The following PCMTD1 variants were observed in gnomAD, a reference collection of about 807,000 sequenced individuals.
PCMTD1 encodes the protein protein-L-isoaspartate (D-aspartate) O-methyltransferase domain containing 1.
Under a neutral mutation model 37.6 loss-of-function variants are expected in PCMTD1, and 12 were observed. The observed-to-expected ratio is 0.32, with a 90% CI of 0.20 to 0.52. The LOEUF is 0.52. PCMTD1 is among the 20% of genes least tolerant of loss of function. The probability of loss-of-function intolerance (pLI) is 0.97; values close to 1 mark genes in which losing one functional copy is unlikely to be tolerated. For missense variants in PCMTD1, 235 were observed against 421.3 expected (o/e 0.56, Z 3.87); for synonymous variants, 117 against 135.8 (o/e 0.86, Z 0.96).
At chr8:51,859,763 T>C (rs1393533489) in intron 2 of PCMTD1, among the ~76,000 whole-genome samples, 1 of 152,210 alleles carries the variant, frequency 6.6e-6, no homozygotes, top group Non-Finnish European at 1.5e-5. Flanking sequence ...GTCACCCTAC[T>C]AGAGGATATG....
intron 2 of PCMTD1, among the ~76,000 whole-genome samples, chr8:51,860,059 C>T (rs865990136): frequency 1.3e-5 from 2 of 152,306 alleles, no homozygotes; most frequent in Middle Eastern, 3.4e-3. Context: ...AGCAGATTTT[C>T]CTCCACCCAT....
intron 1 of PCMTD1, among the ~76,000 whole-genome samples, chr8:51,888,424 A>G (rs1009318192): frequency 1.3e-5 from 2 of 152,198 alleles, no homozygotes; most frequent in Non-Finnish European, 2.9e-5. Flanking sequence ...AGATAACAAA[A>G]TATTAAGACA....
Position 51,864,576 on chromosome 8 carries a change from G to A in PCMTD1, c.-95-3330C>T, listed in dbSNP as rs188408647. On this transcript the variant is annotated intron_variant, in intron 1 of 5. Transcript: ENST00000522514. ...CCAGTAACAGGAGGACTTTTGGGACGTTCACAAACACACAGAAATAAACAA... is the reference window on the plus strand; with the variant it reads ...CCAGTAACAGGAGGACTTTTGGGACATTCACAAACACACAGAAATAAACAA... Among the ~76,000 whole-genome samples, 57 of 152,196 alleles carry A rather than the reference G, an allele frequency of 3.7e-4. 1 individual carries two copies. Among genetic ancestry groups the A allele is most frequent in the South Asian group, 2.3e-3 (11 of 4,826 alleles).
chr8:51,879,271 T>C (rs2038758482), intron 1 of PCMTD1, among the ~76,000 whole-genome samples: 1 of 151,316 alleles, frequency 6.6e-6, no homozygotes, highest in Non-Finnish European at 1.5e-5. Context: ...GAATGTCATA[T>C]TGTTATTCTC....
rs2037778892 is a variant in PCMTD1, at chr8:51,817,709, CTA to C, written c.*2640_*2641del. 1 of 343,620 alleles carries C rather than the reference CTA, an allele frequency of 2.9e-6. No homozygotes were observed. The highest frequency in any genetic ancestry group is 2.4e-5 in the South Asian group (1 of 40,966). The allele number at this position is 343,620 out of a possible 1,614,324, so 21.3% of individuals were successfully genotyped here. On this transcript the variant is annotated 3_prime_UTR_variant, in exon 6 of 6. Transcript: ENST00000522514. ...ACACTTTTTGTATTTTATTTTACTA[CTA>C]TGTATGCTATTTTAATAACATTTTT...
chr8:51,875,465 T>C (rs540966637), intron 1 of PCMTD1, among the ~76,000 whole-genome samples: 1 of 152,198 alleles, frequency 6.6e-6, no homozygotes, highest in Non-Finnish European at 1.5e-5. Flanking sequence ...TTTATATCAG[T>C]AGGAATATAA....
intron 1 of PCMTD1, among the ~76,000 whole-genome samples, chr8:51,883,165 G>C (rs996164233): frequency 1.3e-5 from 2 of 151,620 alleles, no homozygotes; most frequent in Non-Finnish European, 2.9e-5. Context: ...AAAAAAGTAA[G>C]GTAAATGCTT....
chr8:51,829,124 T>A (rs891604967), intron 5 of PCMTD1, among the ~76,000 whole-genome samples: 5 of 152,222 alleles, frequency 3.3e-5, no homozygotes, highest in African/African-American at 1.2e-4. Flanking sequence ...ACTGCTTAAT[T>A]TCTTTCTAAA....
chr8:51,883,786 A>T (rs2129293041), intron 1 of PCMTD1, among the ~76,000 whole-genome samples: 1 of 152,316 alleles, frequency 6.6e-6, no homozygotes, highest in African/African-American at 2.4e-5. Flanking sequence ...GCCAAGTAAA[A>T]ATCAGTCGTA....
At chr8:51,866,956 C>G (rs999074723) in intron 1 of PCMTD1, among the ~76,000 whole-genome samples, 3 of 151,750 alleles carry the variant, frequency 2.0e-5, no homozygotes, top group African/African-American at 4.8e-5. Context: ...GGATTGCAAA[C>G]CATACATCTG....
intron 1 of PCMTD1, among the ~76,000 whole-genome samples, chr8:51,892,223 TGCATA>T (rs2038946124): frequency 6.6e-6 from 1 of 152,234 alleles, no homozygotes; most frequent in Non-Finnish European, 1.5e-5. Context: ...ATTCATCCCC[TGCATA>T]GGTTTCCTAC....
intron 1 of PCMTD1, among the ~76,000 whole-genome samples, chr8:51,864,759 G>T (rs1439158313): frequency 1.3e-5 from 2 of 151,998 alleles, no homozygotes; most frequent in Admixed American, 1.3e-4. Flanking sequence ...TGTATCAAAA[G>T]AGAGTAAAGA....
chr8:51,838,778 C>G (rs2038103196), intron 3 of PCMTD1, among the ~76,000 whole-genome samples: 1 of 152,102 alleles, frequency 6.6e-6, no homozygotes. Context: ...ATCTCTAAGA[C>G]TGAACAATAA....
At chr8:51,888,352 T>C (rs112418945) in intron 1 of PCMTD1, among the ~76,000 whole-genome samples, 1 of 152,112 alleles carries the variant, frequency 6.6e-6, no homozygotes, top group Admixed American at 6.5e-5. Flanking sequence ...CTTTTAAAAA[T>C]AGATTCCCCT....
chr8:51,895,099 G>A (rs2038982013), intron 1 of PCMTD1, among the ~76,000 whole-genome samples: 1 of 152,156 alleles, frequency 6.6e-6, no homozygotes, highest in South Asian at 2.1e-4. Context: ...GGATCTGTGT[G>A]GGATTGCCAA....
At chr8:51,846,102 ATTATT>A (rs1185071134) in intron 2 of PCMTD1, among the ~76,000 whole-genome samples, 1 of 152,198 alleles carries the variant, frequency 6.6e-6, no homozygotes, top group African/African-American at 2.4e-5. Context: ...GTTACTTGCT[ATTATT>A]TTATCATTTG....
chr8:51,896,806 G>A (rs1264637070), intron 1 of PCMTD1, among the ~76,000 whole-genome samples: 4 of 149,694 alleles, frequency 2.7e-5, no homozygotes, highest in Admixed American at 6.7e-5. Flanking sequence ...ACAATTTTTC[G>A]TTCATAGGAG....
intron 3 of PCMTD1, among the ~76,000 whole-genome samples, chr8:51,842,566 C>T (rs1261734571): frequency 2.0e-5 from 3 of 151,522 alleles, no homozygotes; most frequent in Non-Finnish European, 4.4e-5. Flanking sequence ...CTCAAGCAAT[C>T]TGCCCGCCTT....
At chr8:51,897,733 C>T (rs1251163975) in intron 1 of PCMTD1, among the ~76,000 whole-genome samples, 2 of 152,098 alleles carry the variant, frequency 1.3e-5, no homozygotes, top group Non-Finnish European at 2.9e-5. Context: ...TTATTGAAAA[C>T]TTGGCGACCA....
Sources: gnomAD v4.1 joint callset for allele counts (sites outside exome capture counted in the v4.1 genomes callset) on GRCh38, gnomAD v4.1.1 for gene constraint, MANE v1.5 for transcripts, NCBI Gene and HGNC (gene_info 2026-07-23, HGNC 2026-07-21) for gene names.